PPP3CC: variants seen among roughly 807,000 people sequenced by gnomAD.
The protein encoded by PPP3CC is protein phosphatase 3 catalytic subunit gamma.
PPP3CC carries 35 observed loss-of-function variants against 60.3 expected under a neutral mutation model. The observed-to-expected ratio is 0.58, with a 90% confidence interval of 0.44 to 0.77. The LOEUF (loss-of-function observed/expected upper bound fraction) is 0.77, where lower values mean the gene tolerates loss of function less well. Ranked by LOEUF, PPP3CC falls within the 30% of genes least tolerant of loss-of-function variation. The pLI is 0.00. For missense variants in PPP3CC, 570 were observed against 628.9 expected (o/e 0.91, Z 1.00); for synonymous variants, 206 against 224.3 (o/e 0.92, Z 0.73).
At chr8:22,498,994 C>T (rs865920571) in intron 4 of PPP3CC, among the ~76,000 whole-genome samples, 1 of 151,674 alleles carries the variant, frequency 6.6e-6, no homozygotes, top group Non-Finnish European at 1.5e-5. Context: ...TGTGGTCGTG[C>T]GTGCCTGTAA....
At chr8:22,451,968 T>A (rs907509824) in intron 1 of PPP3CC, among the ~76,000 whole-genome samples, 1 of 151,832 alleles carries the variant, frequency 6.6e-6, no homozygotes, top group African/African-American at 2.4e-5. Context: ...ATACTTGTCG[T>A]CCTAGAATGT....
intron 3 of PPP3CC, among the ~76,000 whole-genome samples, chr8:22,489,526 G>T (rs1838317520): frequency 6.8e-6 from 1 of 147,870 alleles, no homozygotes; most frequent in African/African-American, 2.5e-5. Flanking sequence ...AGATGCACAA[G>T]CAAAGTCCTT....
chr8:22,535,231 C>A (rs1176761312), intron 12 of PPP3CC, among the ~76,000 whole-genome samples: 3 of 152,146 alleles, frequency 2.0e-5, no homozygotes, highest in Non-Finnish European at 2.9e-5. Context: ...AATCAGAGTA[C>A]CAATTCTGAA....
intron 1 of PPP3CC, among the ~76,000 whole-genome samples, chr8:22,444,234 C>G (rs986663731): frequency 6.9e-6 from 1 of 143,998 alleles, no homozygotes; most frequent in African/African-American, 2.7e-5. Context: ...GTAGCCTGGG[C>G]GACAAGAGTG....
intron 1 of PPP3CC, among the ~76,000 whole-genome samples, chr8:22,452,062 G>C (rs1837049598): frequency 6.8e-6 from 1 of 147,122 alleles, no homozygotes; most frequent in South Asian, 2.1e-4. Context: ...GCCTCACTCT[G>C]TTGTCTAGGC....
At chr8:22,498,406 T>C (rs763517163) in intron 4 of PPP3CC, among the ~76,000 whole-genome samples, 5 of 152,160 alleles carry the variant, frequency 3.3e-5, no homozygotes, top group Non-Finnish European at 5.9e-5. Flanking sequence ...ATCACGCCAC[T>C]CTACTCCAGC....
At chr8:22,498,638 G>A (rs1393799349) in intron 4 of PPP3CC, among the ~76,000 whole-genome samples, 1 of 152,090 alleles carries the variant, frequency 6.6e-6, no homozygotes, top group Admixed American at 6.5e-5. Flanking sequence ...TTCACCTAAT[G>A]TAGTAGCATT....
intron 6 of PPP3CC, among the ~76,000 whole-genome samples, chr8:22,518,753 C>T (rs537634831): frequency 1.1e-4 from 16 of 152,216 alleles, no homozygotes; most frequent in South Asian, 4.1e-4. Flanking sequence ...GTGGCGCGAC[C>T]TCGGCTCACT....
chr8:22,511,345 A>G, intron 5 of PPP3CC, 114 bp downstream of exon 5: 1 of 1,173,070 alleles, frequency 8.5e-7, no homozygotes, highest in East Asian at 2.6e-5. Context: ...GCTGAAGTAC[A>G]GTGGTGCTAT....
At chr8:22,478,214 C>T (rs758610606) in intron 3 of PPP3CC, among the ~76,000 whole-genome samples, 133 of 151,382 alleles carry the variant, frequency 8.8e-4, no homozygotes, top group Non-Finnish European at 1.5e-3. Context: ...TGCAGTGGCA[C>T]GATCTTGGCT....
intron 1 of PPP3CC, among the ~76,000 whole-genome samples, chr8:22,471,280 C>CTTTTTTTT: frequency 7.8e-6 from 1 of 128,648 alleles, no homozygotes; most frequent in Non-Finnish European, 1.7e-5. Context: ...CTTGATCATT[C>CTTTTTTTT]TTTTTTTTTT....
chr8:22,446,549 C>A (rs1031111338), intron 1 of PPP3CC, among the ~76,000 whole-genome samples: 2 of 151,974 alleles, frequency 1.3e-5, no homozygotes, highest in Admixed American at 6.5e-5. Flanking sequence ...TTAGGCCAGG[C>A]GTGGTGGCTC....
Position 22,441,396 on chromosome 8 carries a change from A to G in PPP3CC, c.-14A>G, listed in dbSNP as rs1379999130. On this transcript the variant is annotated 5_prime_UTR_variant, in exon 1 of 14. Transcript: ENST00000240139. ...CCGGCGGGCTCCTGGAGCCTGGAGG[A>G]GGCCGAGGGGACCATGTCCGGGAGG... The G allele has an allele frequency of 1.3e-6, 2 of 1,537,170 alleles. No homozygotes were observed. Among genetic ancestry groups the G allele is most frequent in the South Asian group, 2.4e-5 (2 of 82,352 alleles).
intron 1 of PPP3CC, among the ~76,000 whole-genome samples, chr8:22,451,686 C>T (rs1407754758): frequency 6.6e-6 from 1 of 152,198 alleles, no homozygotes; most frequent in East Asian, 1.9e-4. Flanking sequence ...TGGTGATGTC[C>T]AGGCAACCAC....
chr8:22,522,629 C>T (rs1383863716), intron 7 of PPP3CC, 26 bp from the exon 8 acceptor site: 3 of 1,587,486 alleles, frequency 1.9e-6, no homozygotes, highest in East Asian at 2.2e-5. Context: ...AATATGCAGA[C>T]AGATGGACTT....
chr8:22,502,549 G>A (rs1373057419), intron 4 of PPP3CC, among the ~76,000 whole-genome samples: 1 of 152,102 alleles, frequency 6.6e-6, no homozygotes, highest in Non-Finnish European at 1.5e-5. Flanking sequence ...TTAGCTGAGT[G>A]TGGTGGCATG....
intron 4 of PPP3CC, among the ~76,000 whole-genome samples, chr8:22,510,523 A>C (rs2117089392): frequency 6.6e-6 from 1 of 152,262 alleles, no homozygotes; most frequent in Non-Finnish European, 1.5e-5. Context: ...TCATCCATAT[A>C]CTTAAAAGGA....
intron 1 of PPP3CC, among the ~76,000 whole-genome samples, chr8:22,445,839 A>T (rs1836804432): frequency 6.6e-6 from 1 of 152,238 alleles, no homozygotes. Flanking sequence ...ATTGTGATTA[A>T]CAAGCTGCCA....
chr8:22,489,510 A>T (rs1043379336), intron 3 of PPP3CC, among the ~76,000 whole-genome samples: 29 of 149,304 alleles, frequency 1.9e-4, no homozygotes, highest in African/African-American at 6.9e-4. Context: ...TAGGGATCTA[A>T]CATGGAGATG....
Sources: gnomAD v4.1 joint callset for allele counts (sites outside exome capture counted in the v4.1 genomes callset) on GRCh38, gnomAD v4.1.1 for gene constraint, MANE v1.5 for transcripts, NCBI Gene and HGNC (gene_info 2026-07-23, HGNC 2026-07-21) for gene names.